Variants in DLGAP2 observed in about 807,000 individuals in gnomAD.
DLGAP2 encodes the protein disks large-associated protein 2.
In DLGAP2, 26 loss-of-function variants were observed where a neutral mutation model predicts 100.3. The ratio of observed to expected loss-of-function variants is 0.26; its 90% confidence interval spans 0.19 to 0.36. DLGAP2 has a LOEUF of 0.36. DLGAP2 is among the 10% of genes least tolerant of loss of function. The probability of loss-of-function intolerance (pLI) is 1.00; values close to 1 mark genes in which losing one functional copy is unlikely to be tolerated. For synonymous variants in DLGAP2, 886 were observed against 630.1 expected (o/e 1.41, Z -6.08); for missense variants, 1,858 against 1,453.2 (o/e 1.28, Z -4.53).
At chr8:1,538,673 C>A (rs542516107) in intron 4 of DLGAP2, among the ~76,000 whole-genome samples, 6 of 152,256 alleles carry the variant, frequency 3.9e-5, no homozygotes, top group African/African-American at 1.4e-4. Context: ...CCCTGGCCCT[C>A]TTTTCTAGGA....
intron 3 of DLGAP2, among the ~76,000 whole-genome samples, chr8:1,261,707 G>A (rs1799354150): frequency 6.6e-6 from 1 of 152,220 alleles, no homozygotes; most frequent in Non-Finnish European, 1.5e-5. Flanking sequence ...TTTGTGGCGA[G>A]GTCTCAGCTG....
At chr8:1,008,570 A>T (rs1801187611) in intron 2 of DLGAP2, among the ~76,000 whole-genome samples, 1 of 152,254 alleles carries the variant, frequency 6.6e-6, no homozygotes, top group African/African-American at 2.4e-5. Context: ...GACTTGCATG[A>T]AAACTTGATA....
At chr8:984,632 C>T (rs760579375) in intron 2 of DLGAP2, among the ~76,000 whole-genome samples, 12 of 152,146 alleles carry the variant, frequency 7.9e-5, no homozygotes, top group Non-Finnish European at 1.2e-4. Flanking sequence ...CCAAGAACAG[C>T]GGTGTAAAGA....
chr8:1,411,159 G>C (rs1265424996), intron 3 of DLGAP2, among the ~76,000 whole-genome samples: 1 of 152,030 alleles, frequency 6.6e-6, no homozygotes, highest in Non-Finnish European at 1.5e-5. Flanking sequence ...TAAAATCGTC[G>C]TATGTTAATT....
chr8:1,568,115 C>G (rs1431731002), intron 6 of DLGAP2, among the ~76,000 whole-genome samples: 2 of 147,968 alleles, frequency 1.4e-5, no homozygotes, highest in Non-Finnish European at 3.0e-5. Flanking sequence ...CCCCATGCCA[C>G]TGTCCATTCA....
intron 2 of DLGAP2, among the ~76,000 whole-genome samples, chr8:948,254 G>A (rs1799382371): frequency 6.6e-6 from 1 of 152,242 alleles, no homozygotes; most frequent in Non-Finnish European, 1.5e-5. Flanking sequence ...ACGGCCCTGT[G>A]TGGAGGACCC....
intron 3 of DLGAP2, among the ~76,000 whole-genome samples, chr8:1,433,738 C>CTT (rs3052055): frequency 0.21 from 25,447 of 123,672 alleles, 3,320 homozygotes; most frequent in Non-Finnish European, 0.23. Context: ...GCAAAACTGG[C>CTT]TTTTTTTTTT....
chr8:1,603,283 A>G (rs1796687459), intron 6 of DLGAP2, among the ~76,000 whole-genome samples: 1 of 145,990 alleles, frequency 6.8e-6, no homozygotes, highest in African/African-American at 2.6e-5. Context: ...AGTTCTGTAG[A>G]GGCTGGTTAG....
At chr8:889,599 C>G (rs1667959171) in intron 1 of DLGAP2, among the ~76,000 whole-genome samples, 2 of 152,192 alleles carry the variant, frequency 1.3e-5, no homozygotes, top group Non-Finnish European at 2.9e-5. Context: ...TTGCGCTGTG[C>G]AGACAAGTCT....
chr8:1,467,675 A>G (rs1305176581), intron 3 of DLGAP2, among the ~76,000 whole-genome samples: 3 of 152,186 alleles, frequency 2.0e-5, no homozygotes, highest in African/African-American at 7.2e-5. Context: ...CCCCCAGCAC[A>G]GAACCACGGC....
intron 2 of DLGAP2, among the ~76,000 whole-genome samples, chr8:1,235,542 C>T (rs1300961073): frequency 4.0e-5 from 1 of 25,270 alleles, no homozygotes; most frequent in African/African-American, 9.5e-5. Context: ...GTCTAGTTCT[C>T]TCACATGGCG....
intron 2 of DLGAP2, among the ~76,000 whole-genome samples, chr8:1,127,112 G>T (rs116905956): frequency 0.033 from 4,771 of 146,542 alleles, 118 homozygotes; most frequent in Non-Finnish European, 0.054. Flanking sequence ...GCTCTTAAAC[G>T]GTCCTTCTGC....
chr8:1,284,103 A>T (rs1269758672), intron 3 of DLGAP2, among the ~76,000 whole-genome samples: 1 of 152,216 alleles, frequency 6.6e-6, no homozygotes, highest in Non-Finnish European at 1.5e-5. Flanking sequence ...CTGTCCTTAG[A>T]GCAGCAGGAA....
chr8:1,378,308 G>A (rs1253536362), intron 3 of DLGAP2, among the ~76,000 whole-genome samples: 5 of 115,032 alleles, frequency 4.3e-5, no homozygotes, highest in African/African-American at 1.0e-4. Context: ...CCTGTCCTGC[G>A]CACACCTGAC....
At chr8:1,698,598 ATG>A (rs1799472940) in intron 14 of DLGAP2, among the ~76,000 whole-genome samples, 1 of 149,310 alleles carries the variant, frequency 6.7e-6, no homozygotes, top group South Asian at 2.1e-4. Flanking sequence ...CAAGTAAGCC[ATG>A]CTTGGGACAG....
At chr8:1,605,970 T>A (rs1264682012) in intron 6 of DLGAP2, among the ~76,000 whole-genome samples, 3 of 152,224 alleles carry the variant, frequency 2.0e-5, no homozygotes, top group African/African-American at 7.2e-5. Flanking sequence ...TCTCTTCTTG[T>A]TAAAGCAAGG....
intron 1 of DLGAP2, among the ~76,000 whole-genome samples, chr8:853,471 G>T (rs961423829): frequency 3.3e-5 from 5 of 152,190 alleles, no homozygotes; most frequent in Non-Finnish European, 5.9e-5. Flanking sequence ...TGCACAGATG[G>T]CTTAGGTACA....
intron 2 of DLGAP2, among the ~76,000 whole-genome samples, chr8:927,456 C>T (rs191672455): frequency 1.3e-5 from 2 of 152,294 alleles, no homozygotes; most frequent in Admixed American, 6.5e-5. Flanking sequence ...GAATTGTTCA[C>T]GTCAGGAATG....
intron 1 of DLGAP2, among the ~76,000 whole-genome samples, chr8:808,238 T>C (rs1368666065): frequency 1.3e-5 from 2 of 152,214 alleles, no homozygotes; most frequent in Non-Finnish European, 2.9e-5. Flanking sequence ...GTGATACGTG[T>C]TGACGATGAC....
Sources: gnomAD v4.1 joint callset for allele counts (sites outside exome capture counted in the v4.1 genomes callset) on GRCh38, gnomAD v4.1.1 for gene constraint, MANE v1.5 for transcripts, NCBI Gene and HGNC (gene_info 2026-07-23, HGNC 2026-07-21) for gene names.